Variants in PDXDC1 observed in about 807,000 individuals in gnomAD.
PDXDC1 encodes the protein pyridoxal dependent decarboxylase domain containing 1.
A neutral mutation model predicts 100.1 loss-of-function variants in PDXDC1; 42 were observed. The ratio of observed to expected loss-of-function variants is 0.42; its 90% CI spans 0.33 to 0.54. The LOEUF is 0.54. PDXDC1 is among the 20% of genes least tolerant of loss of function. The pLI, the probability that PDXDC1 is intolerant of heterozygous loss-of-function variation, is 0.10. For synonymous variants in PDXDC1, 260 were observed against 371.7 expected (o/e 0.70, Z 3.46); for missense variants, 636 against 979.2 (o/e 0.65, Z 4.68).
At position 15,034,738 on chromosome 16, in the gene PDXDC1, C is replaced by T. The variant is rs180750776; in HGVS notation, c.2002+185C>T. On this transcript the variant is annotated intron_variant, in intron 21 of 22. Coordinates refer to ENST00000396410, the MANE Select transcript of PDXDC1 (RefSeq NM_015027.4). ...TGTCCTCCTCCCCACCGCACCCTGG[C>T]GGCTGAAACAGCAAGGAAGCAGCTA... Among the ~76,000 whole-genome samples the T allele has an allele frequency of 1.1e-4, 16 of 152,250 alleles. No homozygotes were observed. In the East Asian group the frequency reaches 2.5e-3, roughly 24 times the overall value.
At chr16:15,079,650 T>C (rs1426753771) in intron 16 of PDXDC1, among the ~76,000 whole-genome samples, 1 of 151,858 alleles carries the variant, frequency 6.6e-6, no homozygotes, top group African/African-American at 2.4e-5. Flanking sequence ...TGGAGTGCAG[T>C]GGCACGATCT....
At chr16:15,073,229 G>GCCTC in intron 16 of PDXDC1, 1 of 863,850 alleles carries the variant, frequency 1.2e-6, no homozygotes, top group Non-Finnish European at 1.8e-6. Flanking sequence ...ACTTTGGGAG[G>GCCTC]CCAAAGTGAG....
intron 16 of PDXDC1, among the ~76,000 whole-genome samples, chr16:15,117,705 GA>G (rs1283184325): frequency 0.013 from 359 of 27,564 alleles, 1 homozygote; most frequent in African/African-American, 0.028. Flanking sequence ...GGTGAGAAAA[GA>G]AAAAAAAAAA....
chr16:15,036,072 T>C lies in PDXDC1; in HGVS notation c.2164T>C (p.Ser722Pro). Residue 722 changes from serine (S) to proline (P), a missense_variant, in exon 23 of 23, where the codon TCA becomes CCA. Coordinates refer to ENST00000396410, the MANE Select transcript of PDXDC1 (RefSeq NM_015027.4). ...TTCAGATGCTTTGAGTGAGACCAGC[T>C]CAGTCAGTCACATTGAAGACTTAGA... ...RGSDALSETS[S>P]VSHIEDLEKV... The C allele has an allele frequency of 1.2e-6, 2 of 1,614,134 alleles. No individual in the cohort carries two copies. Among genetic ancestry groups the C allele is most frequent in the African/African-American group, 2.7e-5 (2 of 75,048 alleles).
At chr16:15,074,970 C>T in intron 16 of PDXDC1, 3 of 1,150,056 alleles carry the variant, frequency 2.6e-6, no homozygotes, top group Non-Finnish European at 2.4e-6. Flanking sequence ...AACAAAGAGG[C>T]TGGGGAAAGC....
At chr16:15,117,752 G>A (rs1206444788) in intron 16 of PDXDC1, among the ~76,000 whole-genome samples, 1 of 101,518 alleles carries the variant, frequency 9.9e-6, no homozygotes, top group African/African-American at 3.9e-5. Flanking sequence ...AAAATTCTCT[G>A]TTCAGGACTA....
At chr16:15,057,201 T>C (rs1266476341) in intron 16 of PDXDC1, among the ~76,000 whole-genome samples, 1 of 152,086 alleles carries the variant, frequency 6.6e-6, no homozygotes, top group Non-Finnish European at 1.5e-5. Flanking sequence ...TACCAGGAAA[T>C]TTACTAAAGA....
rs2043428008 is a variant in PDXDC1, at chr16:15,036,081, C to A, written c.2173C>A (p.His725Asn). The change falls in exon 23 of 23, where the codon CAC becomes AAC. Residue 725 changes from histidine to asparagine, a missense_variant. By Grantham distance (68) the His-to-Asn change is moderately conservative. Around this residue, in one of 4 missense-constraint regions of PDXDC1, gnomAD observed 452 missense variants for 402.9 expected, o/e 1.12. Transcript: ENST00000396410. The part of the protein sequence containing the change: ...DALSETSSVS[H>N]IEDLEKVERL... ...TTTGAGTGAGACCAGCTCAGTCAGT[C>A]ACATTGAAGACTTAGAAAAGGTGGA... is the stretch of plus-strand genomic sequence containing the variant. 6.2e-7 allele frequency: 1 copy of A among 1,613,958 alleles called. No individual in the cohort carries two copies. Among genetic ancestry groups the A allele is most frequent in the African/African-American group, 1.3e-5 (1 of 74,924 alleles).
rs369794245 is a variant in PDXDC1, at chr16:15,063,260, A to T, written c.1399+33204A>T. 14 of 1,613,242 alleles carry T rather than the reference A, an allele frequency of 8.7e-6. No individual in the cohort carries two copies. The African/African-American group carries it at 1.7e-4, about 20-fold the overall frequency. ...ACTCATGTCTTCCCACACCTGATAA[A>T]TAGGATCAATGAATTTCTTTGACCT... On this transcript the variant is annotated intron_variant, in intron 16 of 16. Transcript: ENST00000535621.
the PDXDC1 span, among the ~76,000 whole-genome samples, chr16:15,145,842 C>T: frequency 1.3e-5 from 2 of 152,358 alleles, no homozygotes; most frequent in East Asian, 3.9e-4. Context: ...GCAGGCCAGG[C>T]CCAGACGGCA....
chr16:15,035,684 C>G lies in PDXDC1; in HGVS notation c.2107+131C>G. On this transcript the variant is annotated intron_variant, in intron 22 of 22. Transcript: ENST00000396410. ...GACCAACTACTACCATCTCTTTAAC[C>G]ATCTTGGTAGCCGTGGGATTCAGCC... 3 of 603,912 alleles carry G rather than the reference C, an allele frequency of 5.0e-6. No homozygotes were observed. The South Asian group carries it at 6.4e-5, about 13-fold the overall frequency. 37.4% of individuals were successfully genotyped at this position (603,912 alleles called of 1,614,324 possible). A position where few individuals can be genotyped will look rare whatever the true frequency, so the allele number is the denominator to read the frequency against.
intron 16 of PDXDC1, chr16:15,044,533 C>A: frequency 2.9e-6 from 2 of 688,408 alleles, no homozygotes; most frequent in Non-Finnish European, 5.2e-6. Flanking sequence ...AGGTCATCTT[C>A]GTGCCACCGC....
At chr16:15,114,910 A>G (rs1447211015) in intron 16 of PDXDC1, among the ~76,000 whole-genome samples, 1 of 129,930 alleles carries the variant, frequency 7.7e-6, no homozygotes, top group Non-Finnish European at 1.6e-5. Flanking sequence ...ATAGCTGATG[A>G]TCTAAAAAAA....
chr16:15,061,674 G>T, intron 16 of PDXDC1: 1 of 1,468,976 alleles, frequency 6.8e-7, no homozygotes, highest in Non-Finnish European at 9.4e-7. Context: ...AATGGCACAA[G>T]CTGGGTGCTG....
rs1199189108 is a variant in PDXDC1 at position 15,018,054 on chromosome 16, C to G, written c.963+632C>G. 3.3e-5 allele frequency among the ~76,000 whole-genome samples: 5 copies of G among 151,888 alleles called. No individual in the cohort carries two copies. The East Asian group carries it at 7.9e-4, about 24-fold the overall frequency. On this transcript the variant is annotated intron_variant, in intron 11 of 22. Coordinates refer to ENST00000396410, the MANE Select transcript of PDXDC1 (RefSeq NM_015027.4). ...CTGCCTGCCTCGGCCTCCCAAAGTG[C>G]TGGGATTACAGGCATGAGCCATCAC... is the stretch of plus-strand genomic sequence containing the variant.
chr16:15,035,990 G>A (rs769199385), intron 22 of PDXDC1, 26 bp from the exon 23 acceptor site: 2 of 1,591,192 alleles, frequency 1.3e-6, no homozygotes, highest in South Asian at 2.3e-5. Context: ...CTGAGTTTCA[G>A]CGCAGTCTGT....
At chr16:15,068,432 C>A (rs1169793964) in intron 16 of PDXDC1, among the ~76,000 whole-genome samples, 9 of 152,268 alleles carry the variant, frequency 5.9e-5, no homozygotes, top group South Asian at 4.1e-4. Flanking sequence ...GATAGTCACA[C>A]AGTATATGGC....
downstream of PDXDC1, among the ~76,000 whole-genome samples, chr16:15,141,876 G>A (rs1274654116): frequency 6.6e-6 from 1 of 152,208 alleles, no homozygotes; most frequent in African/African-American, 2.4e-5. Context: ...GTGCTGTAAG[G>A]AACTGCAGTT....
chr16:15,126,066 GCT>G (rs2047704925), intron 16 of PDXDC1: 2 of 531,016 alleles, frequency 3.8e-6, no homozygotes, highest in African/African-American at 1.9e-5. Context: ...ATGGAGTCTC[GCT>G]CTGTCACCCA....
Sources: allele counts gnomAD v4.1 joint callset (sites outside exome capture counted in the v4.1 genomes callset), GRCh38; gene constraint gnomAD v4.1.1; regional missense constraint gnomAD v4.1.1; transcripts MANE v1.5; gene names NCBI Gene and HGNC (gene_info 2026-07-23, HGNC 2026-07-21).